Variants in PITPNM1 observed in about 807,000 individuals in gnomAD.
PITPNM1 encodes membrane-associated phosphatidylinositol transfer protein 1.
A neutral mutation model predicts 133.3 loss-of-function variants in PITPNM1; 74 were observed. The ratio of observed to expected loss-of-function variants is 0.56; its 90% confidence interval spans 0.46 to 0.67. The LOEUF is 0.67. Among genes scored for constraint, PITPNM1 ranks in the 30% least tolerant of loss-of-function variants. The pLI, the probability that PITPNM1 is intolerant of heterozygous loss-of-function variation, is 0.00. For missense variants in PITPNM1, 1,398 were observed against 1,739.5 expected, an observed-to-expected ratio of 0.80 and a Z score of 3.49; for synonymous variants, 738 against 741.4, an observed-to-expected ratio of 1.00 and a Z score of 0.08.
intron 6 of PITPNM1, 36 bp downstream of exon 6, chr11:67,500,059 A>G: frequency 6.2e-7 from 1 of 1,602,180 alleles, no homozygotes; most frequent in Non-Finnish European, 8.5e-7. Context: ...CAGCCTGGGG[A>G]GGGCCGTTCC....
chr11:67,498,470 C>G lies in PITPNM1; in HGVS notation c.1484+126G>C, dbSNP rs1866205480. The G allele has an allele frequency of 6.8e-7, 1 of 1,462,168 alleles. No homozygotes were observed. The highest frequency in any genetic ancestry group is 9.2e-7 in the Non-Finnish European group (1 of 1,086,482). 90.6% of individuals were successfully genotyped at this position (1,462,168 alleles called of 1,614,324 possible). ...GAGGCAACTGAAATGGAGCCATTCTCCAGAACAGGTCCAGCCATGCCAGTG... is the reference window on the plus strand; with the variant it reads ...GAGGCAACTGAAATGGAGCCATTCTGCAGAACAGGTCCAGCCATGCCAGTG... On this transcript the variant is annotated intron_variant, in intron 10 of 23. Coordinates refer to ENST00000356404, the MANE Select transcript of PITPNM1 (RefSeq NM_004910.3). The surrounding 1 kb of genome is among the most constrained non-coding windows in gnomAD (Gnocchi z 5.7).
At chr11:67,496,931 C>CAAAA in intron 14 of PITPNM1, 1 of 157,962 alleles carries the variant, frequency 6.3e-6, no homozygotes, top group Non-Finnish European at 1.2e-5. Context: ...GACTCTGTCT[C>CAAAA]AAAAAAAAAA....
At position 67,498,333 on chromosome 11, in the gene PITPNM1, G is replaced by A; in HGVS notation, c.1485-11C>T. ...CTGTAAGGGCTCAGGCTGTAGGAGG[G>A]GGAAATGTGCGTGGGTGAGGGGCTT... On this transcript the variant is annotated splice_polypyrimidine_tract_variant and intron_variant, in intron 10 of 23. Coordinates refer to ENST00000356404, the MANE Select transcript of PITPNM1 (RefSeq NM_004910.3). The surrounding 1 kb of genome is among the most constrained non-coding windows in gnomAD (Gnocchi z 5.7). 2.6e-6 allele frequency: 4 copies of A among 1,550,864 alleles called. No homozygotes were observed. The highest frequency in any genetic ancestry group is 2.6e-6 in the Non-Finnish European group (3 of 1,147,854).
Position 67,504,219 on chromosome 11 carries a change from C to T in PITPNM1, c.-39G>A. 1 of 1,517,450 alleles carries T rather than the reference C, an allele frequency of 6.6e-7. No individual in the cohort carries two copies. The highest frequency in any genetic ancestry group is 2.4e-5 in the East Asian group (1 of 42,078). The allele number at this position is 1,517,450 out of a possible 1,614,324, so 94.0% of individuals were successfully genotyped here. A position where few individuals can be genotyped will look rare whatever the true frequency, so the allele number is the denominator to read the frequency against. On this transcript the variant is annotated splice_region_variant and 5_prime_UTR_variant, in exon 2 of 24. Coordinates refer to ENST00000356404, the MANE Select transcript of PITPNM1 (RefSeq NM_004910.3). The surrounding 1 kb of genome is among the most constrained non-coding windows in gnomAD (Gnocchi z 5.4). ...GGCGGGCCGCGCGCGGCCTCCGCTC[C>T]TCCTGGCGCAGGGCACGGCGCGACA...
chr11:67,502,616 T>C lies in PITPNM1; in HGVS notation c.181A>G (p.Lys61Glu). The C allele has an allele frequency of 1.9e-6, 3 of 1,613,534 alleles. No individual in the cohort carries two copies. The highest frequency in any genetic ancestry group is 2.5e-6 in the Non-Finnish European group (3 of 1,179,998). Reference sequence around the variant, plus strand: ...ATGTGGGAGCCCACGTGGTACACCTTGTGTGTGTATTGCCCGCTGCCCCCG... The same window carrying C: ...ATGTGGGAGCCCACGTGGTACACCTCGTGTGTGTATTGCCCGCTGCCCCCG... ...GPGGSGQYTH[K>E]VYHVGSHIPG... Residue 61 changes from lysine (K) to glutamate (E), a missense_variant, in exon 3 of 24, where the codon AAG becomes GAG. Around this residue, in one of 5 missense-constraint regions of PITPNM1, gnomAD observed 274 missense variants for 360.7 expected, o/e 0.76. Transcript: ENST00000356404. This position sits in a 1 kb window ranked among gnomAD's most constrained non-coding sequence, Gnocchi z 5.9.
intron 14 of PITPNM1, chr11:67,496,562 G>A (rs1866128915): frequency 7.7e-6 from 4 of 519,128 alleles, no homozygotes; most frequent in South Asian, 2.8e-5. Context: ...TACTGCGGGA[G>A]GCAGAAGCAG....
chr11:67,494,417 A>C, intron 18 of PITPNM1, 57 bp from the exon 19 acceptor site: 2 of 709,944 alleles, frequency 2.8e-6, no homozygotes, highest in Non-Finnish European at 3.7e-6. Flanking sequence ...ATGCTTGGGG[A>C]GGGGGAGCGG....
At position 67,498,657 on chromosome 11, in the gene PITPNM1, C is replaced by T. The variant is rs1217295907; in HGVS notation, c.1423G>A (p.Val475Met). 2.5e-6 allele frequency: 4 copies of T among 1,600,800 alleles called. No homozygotes were observed. The highest frequency in any genetic ancestry group is 4.5e-5 in the East Asian group (2 of 44,878). The part of the protein sequence containing the change: ...RIHFPEALGH[V>M]ALRLVPCPPI... ...GGACAGGGCACCAGTCGCAGCGCCA[C>T]GTGGCCCAAGGCCTCAGGGAAGTGG... is the stretch of plus-strand genomic sequence containing the variant. Residue 475 changes from valine (V) to methionine (M), a missense_variant, in exon 10 of 24, where the codon GTG becomes ATG. By Grantham distance (21) the Val-to-Met change is conservative (BLOSUM62 1). Transcript: ENST00000356404. The surrounding 1 kb of genome is among the most constrained non-coding windows in gnomAD (Gnocchi z 5.7).
At chr11:67,494,767 TG>T (rs1470369269) in intron 18 of PITPNM1, 78 bp downstream of exon 18, 30 of 560,126 alleles carry the variant, frequency 5.4e-5, no homozygotes, top group African/African-American at 1.9e-4. Flanking sequence ...AGGGGGGTGC[TG>T]GGGGGAGGGG....
chr11:67,495,012 C>A, intron 17 of PITPNM1, 56 bp from the exon 18 acceptor site: 1 of 1,601,886 alleles, frequency 6.2e-7, no homozygotes, highest in Admixed American at 1.7e-5. Flanking sequence ...GGCTGCCCCT[C>A]CCCCGGCCCA....
upstream of PITPNM1, among the ~76,000 whole-genome samples, chr11:67,505,865 A>G (rs1480567414): frequency 3.3e-5 from 5 of 152,128 alleles, no homozygotes; most frequent in Admixed American, 2.6e-4. This position sits in a 1 kb window ranked among gnomAD's most constrained non-coding sequence, Gnocchi z 5.8. Flanking sequence ...TGGCTGGGCT[A>G]GCCCCTGCAT....
chr11:67,505,932 G>A (rs1866496280), upstream of PITPNM1, among the ~76,000 whole-genome samples: 1 of 152,194 alleles, frequency 6.6e-6, no homozygotes, highest in South Asian at 2.1e-4. This position sits in a 1 kb window ranked among gnomAD's most constrained non-coding sequence, Gnocchi z 5.8. Flanking sequence ...CGGTCACCCA[G>A]CCACCCGGAG....
In PITPNM1 at chr11:67,492,433, C is replaced by G. The variant is rs1386583734; in HGVS notation, c.3472-137G>C. 7 of 875,318 alleles carry G rather than the reference C, an allele frequency of 8.0e-6. No homozygotes were observed. In the African/African-American group the frequency reaches 1.2e-4, roughly 15 times the overall value. The allele number at this position is 875,318 out of a possible 1,614,324, so 54.2% of individuals were successfully genotyped here. On this transcript the variant is annotated intron_variant, in intron 23 of 23. Coordinates refer to ENST00000356404, the MANE Select transcript of PITPNM1 (RefSeq NM_004910.3). ...GGCACAGCCTGAGCTGAAGCCTTCT[C>G]AATAGATAGGACCCCAGGCTGGGAG...
rs1265316461 is a variant in PITPNM1 at position 67,499,987 on chromosome 11, C to G, written c.990G>C (p.Leu330Phe). 3 of 1,612,578 alleles carry G rather than the reference C, an allele frequency of 1.9e-6. No homozygotes were observed. Among genetic ancestry groups the G allele is most frequent in the Admixed American group, 1.7e-5 (1 of 60,016 alleles). Residue 330 changes from leucine to phenylalanine, a missense_variant, in exon 7 of 24, where the codon TTG becomes TTC. Physicochemically the swap from Leu to Phe is conservative, Grantham distance 22. Coordinates refer to ENST00000356404, the MANE Select transcript of PITPNM1 (RefSeq NM_004910.3). ...QHGGAVSPQS[L>F]SEWRMQNIAR... ...CAATGTTCTGCATGCGCCACTCAGA[C>G]AAGCTCTGGGGAGACACAGCCCCTG...
rs1017743103 is a variant in PITPNM1, at chr11:67,497,283, G to A, written c.2094C>T (p.Ser698=). ...FKVSGFFLFG[S]PLGLVLALRK... ...GCAGAGCCAGCACCAGGCCCAGTGG[G>A]GAGCCGAAGAGGAAGAAGCCAGAGA... is the stretch of plus-strand genomic sequence containing the variant. The change falls in exon 14 of 24, where the codon TCC becomes TCT. Residue 698 remains serine (S), a synonymous_variant. Coordinates refer to ENST00000356404, the MANE Select transcript of PITPNM1 (RefSeq NM_004910.3). 1 of 1,612,500 alleles carries A rather than the reference G, an allele frequency of 6.2e-7. No homozygotes were observed. The highest frequency in any genetic ancestry group is 8.5e-7 in the Non-Finnish European group (1 of 1,179,630).
At position 67,501,870 on chromosome 11, in the gene PITPNM1, T is replaced by C. The variant is rs777038942; in HGVS notation, c.632A>G (p.His211Arg). The part of the protein sequence containing the change: ...GMQAKIEQFI[H>R]DVGLRRVMLR... ...CGCAGCTGGGTGCTCACCTACATCA[T>C]GGATGAACTGCTCGATCTTGGCTTG... is the stretch of plus-strand genomic sequence containing the variant. Residue 211 changes from histidine (H) to arginine (R), a missense_variant, in exon 5 of 24, where the codon CAT (histidine) becomes CGT (arginine). By Grantham distance (29) the His-to-Arg change is conservative. Transcript: ENST00000356404. The C allele has an allele frequency of 1.9e-6, 3 of 1,613,598 alleles. No individual in the cohort carries two copies. The highest frequency in any genetic ancestry group is 1.7e-6 in the Non-Finnish European group (2 of 1,179,958).
intron 12 of PITPNM1, 84 bp downstream of exon 12, chr11:67,497,833 G>T (rs1866179327): frequency 6.8e-7 from 1 of 1,477,704 alleles, no homozygotes. Flanking sequence ...CCTGCTGGCA[G>T]AGGGGTGGCA....
rs1866338312 is a variant in PITPNM1, at chr11:67,502,081, T to C, written c.421A>G (p.Ile141Val). The change falls in exon 5 of 24, where the codon ATC (isoleucine) becomes GTC (valine). Residue 141 changes from isoleucine (I) to valine (V), a missense_variant. Ile to Val is a conservative substitution (Grantham distance 29, BLOSUM62 3). Transcript: ENST00000356404. This position sits in a 1 kb window ranked among gnomAD's most constrained non-coding sequence, Gnocchi z 5.9. ...GCCACTGCATCCCGCACGATGTCGA[T>C]GGTGTCTGAGGGAGTTCGGCAAGCA... ...AERRQRILDT[I>V]DIVRDAVAPG... 2 of 1,611,688 alleles carry C rather than the reference T, an allele frequency of 1.2e-6. No individual in the cohort carries two copies. The highest frequency in any genetic ancestry group is 2.2e-5 in the South Asian group (2 of 91,038).
At position 67,505,208 on chromosome 11, in the gene PITPNM1, C is replaced by T. The variant is rs1233013789; in HGVS notation, c.-62G>A. ...CTCACCTCTAGCTTGAGGCGGGCGC[C>T]CCTCACCCAGCCCGGGCAGGGCCGG... On this transcript the variant is annotated 5_prime_UTR_variant, in exon 1 of 24. Coordinates refer to ENST00000356404, the MANE Select transcript of PITPNM1 (RefSeq NM_004910.3). The surrounding 1 kb of genome is among the most constrained non-coding windows in gnomAD (Gnocchi z 5.8). 6.6e-6 allele frequency: 1 copy of T among 152,154 alleles called. No homozygotes were observed. Among genetic ancestry groups the T allele is most frequent in the Non-Finnish European group, 1.5e-5 (1 of 68,018 alleles). The allele number at this position is 152,154 out of a possible 1,614,324, so 9.4% of individuals were successfully genotyped here. A position where few individuals can be genotyped will look rare whatever the true frequency, so the allele number is the denominator to read the frequency against.
Sources: gnomAD v4.1 joint callset for allele counts (sites outside exome capture counted in the v4.1 genomes callset) on GRCh38, gnomAD v4.1.1 for gene constraint, gnomAD v4.1.1 regional missense constraint, Gnocchi (gnomAD v3.1) non-coding constraint, MANE v1.5 for transcripts, NCBI Gene and HGNC (gene_info 2026-07-23, HGNC 2026-07-21) for gene names.